The following ECM2 variants were observed in gnomAD, a reference collection of about 807,000 sequenced individuals.
The protein encoded by ECM2 is extracellular matrix protein 2, female organ and adipocyte specific.
A neutral mutation model predicts 67.5 loss-of-function variants in ECM2; 57 were observed. The observed-to-expected ratio is 0.84, with a 90% CI of 0.68 to 1.05. The LOEUF (loss-of-function observed/expected upper bound fraction) is 1.05. Ranked by LOEUF, ECM2 falls within the 50% of genes least tolerant of loss-of-function variation. The probability of loss-of-function intolerance (pLI) is 0.00; values close to 1 mark genes in which losing one functional copy is unlikely to be tolerated. For missense variants in ECM2, 741 were observed against 822.8 expected, an observed-to-expected ratio of 0.90 and a Z score of 1.22; for synonymous variants, 258 against 294.5, an observed-to-expected ratio of 0.88 and a Z score of 1.27.
intron 7 of ECM2, among the ~76,000 whole-genome samples, chr9:92,505,261 A>T (rs1397744906): frequency 1.3e-5 from 2 of 152,292 alleles, no homozygotes; most frequent in South Asian, 2.1e-4. Context: ...TTGTGGTTTC[A>T]TTTAAATTCT....
chr9:92,501,789 C>T (rs1326010703), intron 8 of ECM2, among the ~76,000 whole-genome samples: 1 of 152,200 alleles, frequency 6.6e-6, no homozygotes, highest in African/African-American at 2.4e-5. Flanking sequence ...TACTTAGGCA[C>T]ATAGTTCCAG....
chr9:92,533,328 A>AAAAAAAAAAAATATATATAT (rs1554683138), intron 1 of ECM2, among the ~76,000 whole-genome samples: 2 of 38,336 alleles, frequency 5.2e-5, no homozygotes, highest in Non-Finnish European at 8.5e-5. Context: ...AAAAAAAAAA[A>AAAAAAAAAAAATATATATAT]ATATATATAT....
the ECM2 span, among the ~76,000 whole-genome samples, chr9:92,553,269 T>G: frequency 6.6e-6 from 1 of 152,266 alleles, no homozygotes; most frequent in East Asian, 1.9e-4. Flanking sequence ...CATTGGTCTA[T>G]ATGCCTATTT....
rs764395568 is a variant in ECM2 at position 92,535,969 on chromosome 9, A to T, written c.-64T>A. 1 of 511,732 alleles carries T rather than the reference A, an allele frequency of 2.0e-6. No homozygotes were observed. The allele number at this position is 511,732 out of a possible 1,614,324, so 31.7% of individuals were successfully genotyped here. A position where few individuals can be genotyped will look rare whatever the true frequency, so the allele number is the denominator to read the frequency against. ...AACTAAGTAGGCTTTGCTTGGTGTC[A>T]TTTAAGTCTCCAGCTGAAAATGAAA... is the stretch of plus-strand genomic sequence containing the variant. On this transcript the variant is annotated 5_prime_UTR_variant, in exon 1 of 10. An upstream start codon of the reference 5' UTR is lost. Coordinates refer to ENST00000344604, the MANE Select transcript of ECM2 (RefSeq NM_001393.4).
upstream of ECM2, among the ~76,000 whole-genome samples, chr9:92,540,887 G>C (rs192950816): frequency 6.6e-6 from 1 of 152,160 alleles, no homozygotes; most frequent in Admixed American, 6.5e-5. Context: ...ATATTAAAGA[G>C]CAAAAATATC....
chr9:92,550,410 T>G, the ECM2 span, among the ~76,000 whole-genome samples: 2 of 148,434 alleles, frequency 1.3e-5, no homozygotes, highest in Non-Finnish European at 3.0e-5. Context: ...AAAAAAATGG[T>G]GTCATTGGAG....
intron 3 of ECM2, among the ~76,000 whole-genome samples, chr9:92,516,157 G>A (rs999834753): frequency 8.0e-5 from 12 of 150,920 alleles, no homozygotes; most frequent in African/African-American, 1.5e-4. Context: ...TCCGCCTCCC[G>A]GGTTCAAGCG....
the ECM2 span, among the ~76,000 whole-genome samples, chr9:92,558,701 C>G: frequency 6.6e-6 from 1 of 152,040 alleles, no homozygotes; most frequent in Non-Finnish European, 1.5e-5. Context: ...CCTAGAATTC[C>G]CAAGACTATA....
chr9:92,546,904 G>A, the ECM2 span, among the ~76,000 whole-genome samples: 2 of 152,094 alleles, frequency 1.3e-5, no homozygotes, highest in Non-Finnish European at 2.9e-5. Flanking sequence ...AGATACCACA[G>A]GTCTCTATAT....
intron 7 of ECM2, among the ~76,000 whole-genome samples, chr9:92,503,499 T>G (rs534385085): frequency 6.6e-6 from 1 of 152,368 alleles, no homozygotes; most frequent in South Asian, 2.1e-4. Flanking sequence ...TTAAAGTTAA[T>G]TAACAGCCTT....
chr9:92,539,213 T>C (rs1849258317), upstream of ECM2: 1 of 152,136 alleles, frequency 6.6e-6, no homozygotes, highest in African/African-American at 2.4e-5. Context: ...AATGGCTGAG[T>C]AAAGCATTAG....
chr9:92,522,490 C>T, intron 2 of ECM2, 85 bp downstream of exon 2: 65 of 1,221,942 alleles, frequency 5.3e-5, no homozygotes, highest in South Asian at 3.0e-4. Flanking sequence ...AGATGTTCTC[C>T]CTCTCTCCCT....
In ECM2 at chr9:92,514,643, G is replaced by A. The variant is rs1185843664; in HGVS notation, c.1042C>T (p.Leu348=). The A allele has an allele frequency of 1.3e-6, 2 of 1,582,794 alleles. No individual in the cohort carries two copies. Among genetic ancestry groups the A allele is most frequent in the South Asian group, 1.1e-5 (1 of 87,108 alleles). ...PPLTAPQITS[L]ELTGNSIASI... ...CAACATCTCTTACCAGTGAGCTCCA[G>A]ACTTGTTATCTGTGGTGCTGTCAGC... The change falls in exon 4 of 10, where the codon CTG becomes TTG. Residue 348 remains leucine (L), a synonymous_variant. Transcript: ENST00000344604.
chr9:92,521,828 C>G (rs2131241093), intron 2 of ECM2, among the ~76,000 whole-genome samples: 1 of 152,184 alleles, frequency 6.6e-6, no homozygotes, highest in South Asian at 2.1e-4. Context: ...ACAGAATCAT[C>G]TGAATAATTT....
intron 1 of ECM2, among the ~76,000 whole-genome samples, chr9:92,528,686 TA>T (rs1354308188): frequency 6.6e-6 from 1 of 152,140 alleles, no homozygotes; most frequent in Non-Finnish European, 1.5e-5. Context: ...ATTAGCTCAG[TA>T]GAGGAAAATA....
the ECM2 span, among the ~76,000 whole-genome samples, chr9:92,557,423 C>T: frequency 6.6e-6 from 1 of 152,168 alleles, no homozygotes; most frequent in African/African-American, 2.4e-5. Flanking sequence ...GTTTTTCAAG[C>T]TTTTAGAATT....
Position 92,517,857 on chromosome 9 carries a change from A to C in ECM2, c.311T>G (p.Leu104Trp), listed in dbSNP as rs755658894. The change falls in exon 3 of 10, where the codon TTG becomes TGG. Residue 104 changes from leucine to tryptophan, a missense_variant. Leu to Trp is a moderately conservative substitution (Grantham distance 61, BLOSUM62 -2). Coordinates refer to ENST00000344604, the MANE Select transcript of ECM2 (RefSeq NM_001393.4). ...GTTGTACATGGTTATGCCCTTTACC[A>C]AACAGTGTCCCTTCTTTCCTAGAAG... ...NVLPGKKGHC[L>W]VKGITMYNKA... The C allele has an allele frequency of 7.4e-6, 12 of 1,614,044 alleles. No homozygotes were observed. Among genetic ancestry groups the C allele is most frequent in the Non-Finnish European group, 1.0e-5 (12 of 1,180,040 alleles).
intron 6 of ECM2, among the ~76,000 whole-genome samples, chr9:92,508,868 C>T (rs1228667964): frequency 6.6e-6 from 1 of 151,786 alleles, no homozygotes; most frequent in Admixed American, 6.6e-5. Flanking sequence ...TAAATAAAAA[C>T]ATAATATGTT....
intron 5 of ECM2, among the ~76,000 whole-genome samples, chr9:92,511,738 T>C (rs1847357728): frequency 1.3e-5 from 2 of 152,216 alleles, no homozygotes; most frequent in Non-Finnish European, 2.9e-5. Context: ...TGTTTTCAGT[T>C]ACTTGGGAAG....
Sources: gnomAD v4.1 joint callset for allele counts (sites outside exome capture counted in the v4.1 genomes callset) on GRCh38, gnomAD v4.1.1 for gene constraint, MANE v1.5 for transcripts, NCBI Gene and HGNC (gene_info 2026-07-23, HGNC 2026-07-21) for gene names.